The following SENP1 variants were observed in gnomAD, a reference collection of about 807,000 sequenced individuals.
SENP1 encodes sentrin-specific protease 1.
In SENP1, 21 loss-of-function variants were observed where a neutral mutation model predicts 93.0. The observed-to-expected ratio is 0.23, with a 90% CI of 0.16 to 0.33. The LOEUF is 0.33. SENP1 is among the 10% of genes least tolerant of loss of function. The pLI is 1.00. For synonymous variants in SENP1, 256 were observed against 259.6 expected (o/e 0.99, Z 0.13); for missense variants, 591 against 758.7 (o/e 0.78, Z 2.60).
intron 13 of SENP1, among the ~76,000 whole-genome samples, chr12:48,063,375 C>T (rs1019680898): frequency 1.3e-5 from 2 of 152,090 alleles, no homozygotes; most frequent in African/African-American, 2.4e-5. Flanking sequence ...GCAACATGGT[C>T]GGCTAATACT....
At chr12:48,054,008 G>A (rs1336461272) in intron 13 of SENP1, among the ~76,000 whole-genome samples, 1 of 152,054 alleles carries the variant, frequency 6.6e-6, no homozygotes, top group Non-Finnish European at 1.5e-5. Flanking sequence ...AGGAATGAGA[G>A]GGAGAATAGG....
chr12:48,046,100 C>T lies in SENP1; in HGVS notation c.1872+256G>A, dbSNP rs542503995. 3.3e-5 allele frequency among the ~76,000 whole-genome samples: 5 copies of T among 152,328 alleles called. No individual in the cohort carries two copies. The East Asian group carries it at 9.6e-4, about 29-fold the overall frequency. On this transcript the variant is annotated intron_variant, in intron 17 of 17. Transcript: ENST00000549518. ...TAGAAGTTACAGTAGGTAGAGGAGA[C>T]AGGCAGAGAAGGTTCTGCTCTTGAA... is the stretch of plus-strand genomic sequence containing the variant.
chr12:48,096,450 C>A, intron 3 of SENP1, 23 bp from the exon 4 acceptor site: 7 of 1,471,008 alleles, frequency 4.8e-6, no homozygotes, highest in Admixed American at 1.9e-5. Context: ...GAAGATTTTT[C>A]TTAAGTCACA....
chr12:48,101,001 G>A (rs1945891398), intron 2 of SENP1, among the ~76,000 whole-genome samples: 1 of 152,192 alleles, frequency 6.6e-6, no homozygotes, highest in African/African-American at 2.4e-5. Flanking sequence ...AGATAATTAT[G>A]TGGGCTGGGT....
chr12:48,093,280 G>GTTTT (rs374804144), intron 4 of SENP1, among the ~76,000 whole-genome samples: 3 of 126,502 alleles, frequency 2.4e-5, no homozygotes, highest in East Asian at 2.3e-4. Flanking sequence ...TTCAGGTGAG[G>GTTTT]TTTTTTTTTT....
intron 12 of SENP1, 28 bp downstream of exon 12, chr12:48,065,037 G>C (rs1453839832): frequency 1.4e-6 from 2 of 1,431,990 alleles, no homozygotes; most frequent in Admixed American, 1.7e-5. Context: ...ATACTTAGTA[G>C]TGTAGAAATT....
At chr12:48,082,799 C>T (rs537138701) in intron 6 of SENP1, among the ~76,000 whole-genome samples, 96 of 152,270 alleles carry the variant, frequency 6.3e-4, no homozygotes, top group Admixed American at 1.8e-3. Context: ...CAAAAAAGGT[C>T]TTACTCATAA....
At chr12:48,099,511 A>T (rs1243179586) in intron 2 of SENP1, among the ~76,000 whole-genome samples, 1 of 152,154 alleles carries the variant, frequency 6.6e-6, no homozygotes. Flanking sequence ...AACACAAAGA[A>T]GTGCTTTAAG....
At chr12:48,049,508 C>T (rs577380999) in intron 13 of SENP1, among the ~76,000 whole-genome samples, 4 of 152,264 alleles carry the variant, frequency 2.6e-5, no homozygotes, top group Admixed American at 1.3e-4. Context: ...TTAGCAGTTA[C>T]CTTTATCTAC....
intron 6 of SENP1, among the ~76,000 whole-genome samples, chr12:48,078,374 T>C (rs1944286258): frequency 1.5e-5 from 2 of 133,298 alleles, no homozygotes; most frequent in South Asian, 2.5e-4. Flanking sequence ...CATACACATA[T>C]ATACTTATAC....
At position 48,049,204 on chromosome 12, in the gene SENP1, G is replaced by A. The variant is rs1941603204; in HGVS notation, c.1408-72C>T. ...CTTTCAAAATAGTTGCAGTTGCTGT[G>A]TTGAATAGCATATGTAATTGTTTCC... On this transcript the variant is annotated intron_variant, in intron 13 of 17. Coordinates refer to ENST00000549518, the MANE Select transcript of SENP1 (RefSeq NM_001267594.2). 5.6e-6 allele frequency: 6 copies of A among 1,077,994 alleles called. No individual in the cohort carries two copies. The South Asian group carries it at 6.7e-5, about 12-fold the overall frequency. The allele number at this position is 1,077,994 out of a possible 1,614,324, so 66.8% of individuals were successfully genotyped here. A position where few individuals can be genotyped will look rare whatever the true frequency, so the allele number is the denominator to read the frequency against.
rs1313700671 is a variant in SENP1, at chr12:48,096,389, A to G, written c.174T>C (p.Phe58=). The G allele has an allele frequency of 4.3e-6, 7 of 1,610,874 alleles. No individual in the cohort carries two copies. The highest frequency in any genetic ancestry group is 1.3e-5 in the African/African-American group (1 of 74,870). The stretch of plus-strand genomic sequence containing the variant: ...AAGCTGCACTTCTTGTGGAACATGT[A>G]AAAGATCGGTCCAAATGTCCTTGCC... The part of the protein sequence containing the change: ...SSRQGHLDRS[F]TCSTRSAAYN... The change falls in exon 4 of 18, where the codon TTT becomes TTC. Residue 58 remains phenylalanine, a synonymous_variant. Coordinates refer to ENST00000549518, the MANE Select transcript of SENP1 (RefSeq NM_001267594.2).
intron 9 of SENP1, among the ~76,000 whole-genome samples, chr12:48,071,398 T>C (rs1182400078): frequency 6.6e-6 from 1 of 152,078 alleles, no homozygotes; most frequent in East Asian, 1.9e-4. Context: ...GGTGGATCAC[T>C]TGAGGTCAGG....
chr12:48,064,023 C>A (rs1350734650), intron 12 of SENP1, among the ~76,000 whole-genome samples, 182 bp from the exon 13 acceptor site: 4 of 152,196 alleles, frequency 2.6e-5, no homozygotes, highest in African/African-American at 9.6e-5. Context: ...TCCCCGATTA[C>A]TTCTTTCCAC....
intron 6 of SENP1, among the ~76,000 whole-genome samples, chr12:48,079,150 A>T (rs1010543048): frequency 6.6e-6 from 1 of 152,068 alleles, no homozygotes; most frequent in Admixed American, 6.5e-5. Context: ...ACTCTATTTC[A>T]TAAAATTAAA....
intron 13 of SENP1, among the ~76,000 whole-genome samples, chr12:48,063,209 T>C (rs1943074262): frequency 6.6e-6 from 1 of 152,204 alleles, no homozygotes; most frequent in South Asian, 2.1e-4. Context: ...AATATAACTT[T>C]TTCAATGTCC....
Position 48,074,411 on chromosome 12 carries a change from C to A in SENP1, c.853G>T (p.Asp285Tyr). 2 of 1,613,842 alleles carry A rather than the reference C, an allele frequency of 1.2e-6. No individual in the cohort carries two copies. The highest frequency in any genetic ancestry group is 1.7e-6 in the Non-Finnish European group (2 of 1,179,792). Residue 285 changes from aspartate to tyrosine, a missense_variant, in exon 8 of 18, where the codon GAT becomes TAT. Asp to Tyr is a radical substitution (Grantham distance 160). Transcript: ENST00000549518. Reference protein sequence around the residue: ...YTPDVAFGSKDSGTLHHPHHH... With the variant: ...YTPDVAFGSKYSGTLHHPHHH... Reference sequence around the variant, plus strand: ...TGGGGATGATGAAGAGTACCAGAATCTTTGGATCCAAATGCAACATCTGGG... The same window carrying A: ...TGGGGATGATGAAGAGTACCAGAATATTTGGATCCAAATGCAACATCTGGG...
chr12:48,078,104 T>C (rs1242332219), intron 6 of SENP1, among the ~76,000 whole-genome samples: 1 of 151,696 alleles, frequency 6.6e-6, no homozygotes, highest in African/African-American at 2.4e-5. Flanking sequence ...CTTTCAACAT[T>C]GTATGTTTTT....
intron 6 of SENP1, among the ~76,000 whole-genome samples, chr12:48,078,241 A>G (rs1944235122): frequency 6.8e-6 from 1 of 147,836 alleles, no homozygotes; most frequent in Non-Finnish European, 1.5e-5. Context: ...AATACTACTA[A>G]TTTCTGTGTG....
Sources: allele counts gnomAD v4.1 joint callset (sites outside exome capture counted in the v4.1 genomes callset), GRCh38; gene constraint gnomAD v4.1.1; transcripts MANE v1.5; gene names NCBI Gene and HGNC (gene_info 2026-07-23, HGNC 2026-07-21).